Variants in CELF2 observed in about 807,000 individuals in gnomAD.
The protein encoded by CELF2 is CUG triplet repeat RNA-binding protein 2.
In CELF2, 8 loss-of-function variants were observed where a neutral mutation model predicts 62.6. The observed-to-expected ratio is 0.13, with a 90% CI of 0.07 to 0.23. CELF2 has a LOEUF of 0.23. CELF2 is among the 10% of genes least tolerant of loss of function. The pLI is 1.00. For synonymous variants in CELF2, 258 were observed against 250.0 expected (o/e 1.03, Z -0.30); for missense variants, 333 against 671.0 (o/e 0.50, Z 5.56).
At chr10:10,654,093 T>C in the CELF2 span, among the ~76,000 whole-genome samples, 2 of 147,370 alleles carry the variant, frequency 1.4e-5, no homozygotes, top group African/African-American at 5.0e-5. Context: ...CAAACACCTC[T>C]ACGCAAATAA....
chr10:10,751,937 C>T, the CELF2 span, among the ~76,000 whole-genome samples: 16 of 152,244 alleles, frequency 1.1e-4, no homozygotes, highest in African/African-American at 3.1e-4. Context: ...GTTTAAAATA[C>T]ATCCACAGAT....
Position 11,268,024 on chromosome 10 carries a change from G to A in CELF2, c.618+1347G>A, listed in dbSNP as rs746018868. Among the ~76,000 whole-genome samples, 14 of 152,084 alleles carry A rather than the reference G, an allele frequency of 9.2e-5. No individual in the cohort carries two copies. The highest frequency in any genetic ancestry group is 1.6e-4 in the Non-Finnish European group (11 of 68,014). On this transcript the variant is annotated intron_variant, in intron 6 of 12. Coordinates refer to ENST00000633077, the MANE Select transcript of CELF2 (RefSeq NM_001326342.2). The surrounding 1 kb of genome is among the most constrained non-coding windows in gnomAD (Gnocchi z 4.7). Reference sequence around the variant, plus strand: ...CTGAAGGCAAGCTCAGGTGAAAATCGGGCATGATAGGCGATAATGAGCAGG... The same window carrying A: ...CTGAAGGCAAGCTCAGGTGAAAATCAGGCATGATAGGCGATAATGAGCAGG...
intron 1 of CELF2, among the ~76,000 whole-genome samples, chr10:11,141,989 G>A (rs987043965): frequency 6.6e-6 from 1 of 152,118 alleles, no homozygotes; most frequent in Non-Finnish European, 1.5e-5. Context: ...TGAAGATAAC[G>A]ACTGCAAACA....
chr10:10,625,688 T>G, the CELF2 span, among the ~76,000 whole-genome samples: 1 of 152,196 alleles, frequency 6.6e-6, no homozygotes, highest in Non-Finnish European at 1.5e-5. Flanking sequence ...CAACTTCTCT[T>G]TCTTCACTGC....
At chr10:10,693,655 T>G in the CELF2 span, among the ~76,000 whole-genome samples, 5 of 150,752 alleles carry the variant, frequency 3.3e-5, no homozygotes, top group South Asian at 2.1e-4. Context: ...CTCTTTTTGG[T>G]TGGTAAGCTA....
chr10:11,320,074 C>A (rs1012213174), intron 10 of CELF2, among the ~76,000 whole-genome samples: 6 of 152,174 alleles, frequency 3.9e-5, no homozygotes, highest in African/African-American at 1.4e-4. Flanking sequence ...TTTCAATAAG[C>A]TCTTCTCAGA....
rs1554936120 is a variant in CELF2 at position 11,197,016 on chromosome 10, G to GAAAGAAAAGAAAGAAAGA, written c.272-20402_272-20401insAGAAAGAAAGAAAAGAAA. Among the ~76,000 whole-genome samples, 21 of 12,160 alleles carry GAAAGAAAAGAAAGAAAGA rather than the reference G, an allele frequency of 1.7e-3. 1 individual carries two copies. Among genetic ancestry groups the GAAAGAAAAGAAAGAAAGA allele is most frequent in the African/African-American group, 8.4e-3 (21 of 2,506 alleles). 8.0% of individuals were successfully genotyped at this position (12,160 alleles called of 152,430 possible). On this transcript the variant is annotated intron_variant, in intron 2 of 12. Coordinates refer to ENST00000633077, the MANE Select transcript of CELF2 (RefSeq NM_001326342.2). Reference sequence around the variant, plus strand: ...AAGGAAGGAAGGAGAAAGAAAGAAAGAAAGAAAGAAAAGAAAGAAAGAAAG... The same window carrying GAAAGAAAAGAAAGAAAGA: ...AAGGAAGGAAGGAGAAAGAAAGAAAGAAAGAAAAGAAAGAAAGAAAAGAAAGAAAAGAAAGAAAGAAAG...
At chr10:10,700,554 A>G in the CELF2 span, among the ~76,000 whole-genome samples, 1 of 152,296 alleles carries the variant, frequency 6.6e-6, no homozygotes, top group Admixed American at 6.5e-5. Context: ...AACAGACCTC[A>G]TCACCAGAGA....
chr10:10,705,166 A>G, the CELF2 span, among the ~76,000 whole-genome samples: 6 of 152,208 alleles, frequency 3.9e-5, no homozygotes, highest in East Asian at 3.9e-4. Context: ...AGCCTGGGCA[A>G]CAGAGCTAGA....
At chr10:10,745,304 C>A in the CELF2 span, among the ~76,000 whole-genome samples, 2 of 152,122 alleles carry the variant, frequency 1.3e-5, no homozygotes, top group East Asian at 1.9e-4. Flanking sequence ...GCTTCATCAC[C>A]TTGATTTCTT....
At chr10:11,174,094 A>G (rs1178324295) in intron 2 of CELF2, among the ~76,000 whole-genome samples, 1 of 152,162 alleles carries the variant, frequency 6.6e-6, no homozygotes, top group African/African-American at 2.4e-5. Flanking sequence ...TAGAGCTCTT[A>G]CCTATGTTAA....
rs1023495732 is a variant in CELF2, at chr10:11,165,356, C to T, written c.75-130C>T. On this transcript the variant is annotated intron_variant, in intron 1 of 12. Transcript: ENST00000633077. This position sits in a 1 kb window ranked among gnomAD's most constrained non-coding sequence, Gnocchi z 7.4. ...GTTTTAGTTCATCAAATTTCTACGACTCATTAGGCACTTTGCCACTGCTCT... is the reference window on the plus strand; with the variant it reads ...GTTTTAGTTCATCAAATTTCTACGATTCATTAGGCACTTTGCCACTGCTCT... 4.0e-6 allele frequency: 6 copies of T among 1,487,664 alleles called. No individual in the cohort carries two copies. The African/African-American group carries it at 5.7e-5, about 14-fold the overall frequency. The allele number at this position is 1,487,664 out of a possible 1,614,324, so 92.2% of individuals were successfully genotyped here.
intron 9 of CELF2, among the ~76,000 whole-genome samples, chr10:11,299,670 C>T (rs1189069544): frequency 6.6e-6 from 1 of 152,154 alleles, no homozygotes; most frequent in Non-Finnish European, 1.5e-5. Flanking sequence ...CAGTGGTTTG[C>T]CCGGGATGTT....
In CELF2 at chr10:10,827,129, T is replaced by C. The variant is rs144283456; in HGVS notation, c.53+28312T>C. 1.2e-3 allele frequency among the ~76,000 whole-genome samples: 182 copies of C among 151,212 alleles called. 3 individuals carry two copies. In the East Asian group the frequency reaches 0.028, roughly 23 times the overall value. On this transcript the variant is annotated intron_variant, in intron 1 of 13. Coordinates refer to the CELF2 transcript ENST00000636488. ...TGTTTGTTTGTTTGTTTGTTTGTTT[T>C]GCAGGAGTTAGAAGGAAATTCTGAT...
chr10:11,044,127 T>C (rs1325233204), intron 1 of CELF2, among the ~76,000 whole-genome samples: 1 of 152,178 alleles, frequency 6.6e-6, no homozygotes, highest in South Asian at 2.1e-4. Context: ...GACTATCATC[T>C]CAAAAAAACA....
At position 11,283,003 on chromosome 10, in the gene CELF2, A is replaced by G. The variant is rs550017902; in HGVS notation, c.842-5415A>G. Among the ~76,000 whole-genome samples the G allele has an allele frequency of 2.6e-5, 4 of 152,330 alleles. No individual in the cohort carries two copies. In the South Asian group the frequency reaches 8.3e-4, roughly 32 times the overall value. On this transcript the variant is annotated intron_variant, in intron 8 of 12. Coordinates refer to ENST00000633077, the MANE Select transcript of CELF2 (RefSeq NM_001326342.2). ...GGCTGGACTTGAACTCCTGGGCCCA[A>G]GCGATCCTTTAGCCTCAGCCTCCTG...
At chr10:11,205,063 G>T (rs1430149037) in intron 2 of CELF2, among the ~76,000 whole-genome samples, 1 of 152,206 alleles carries the variant, frequency 6.6e-6, no homozygotes, top group African/African-American at 2.4e-5. Flanking sequence ...TCATGAAAAT[G>T]ATTACATTAA....
chr10:10,532,559 T>C, the CELF2 span, among the ~76,000 whole-genome samples: 1 of 152,292 alleles, frequency 6.6e-6, no homozygotes, highest in Admixed American at 6.5e-5. Flanking sequence ...GATTATATAA[T>C]CTTACATTGA....
the CELF2 span, among the ~76,000 whole-genome samples, chr10:10,697,790 G>C: frequency 6.6e-6 from 1 of 152,236 alleles, no homozygotes; most frequent in Admixed American, 6.5e-5. Flanking sequence ...ATTAGGTTTT[G>C]GGTTTGGTTT....
Sources: allele counts gnomAD v4.1 joint callset (sites outside exome capture counted in the v4.1 genomes callset), GRCh38; gene constraint gnomAD v4.1.1; non-coding constraint Gnocchi (gnomAD v3.1); transcripts MANE v1.5; gene names NCBI Gene and HGNC (gene_info 2026-07-23, HGNC 2026-07-21).